Variants in RIPOR2 observed in about 807,000 individuals in gnomAD.
The protein encoded by RIPOR2 is rho family-interacting cell polarization regulator 2.
A neutral mutation model predicts 114.5 loss-of-function variants in RIPOR2; 39 were observed. The ratio of observed to expected loss-of-function variants is 0.34; its 90% CI spans 0.26 to 0.44. The LOEUF (loss-of-function observed/expected upper bound fraction) is 0.44, where lower values mean the gene tolerates loss of function less well. Among genes scored for constraint, RIPOR2 ranks in the 20% least tolerant of loss-of-function variants. The pLI is 1.00. For synonymous variants in RIPOR2, 445 were observed against 484.4 expected, an observed-to-expected ratio of 0.92 and a Z score of 1.07; for missense variants, 1,007 against 1,255.1, an observed-to-expected ratio of 0.80 and a Z score of 2.99.
chr6:24,944,536 C>T lies in RIPOR2; in HGVS notation c.77-68719G>A, dbSNP rs558389155. ...GAGTTTCCATATAATTTTAAACATCCCGTTTTCAGCAAAAAATTATGAAAC... is the reference window on the plus strand; with the variant it reads ...GAGTTTCCATATAATTTTAAACATCTCGTTTTCAGCAAAAAATTATGAAAC... On this transcript the variant is annotated intron_variant, in intron 1 of 13. Coordinates refer to the RIPOR2 transcript ENST00000510784. Among the ~76,000 whole-genome samples the T allele has an allele frequency of 2.0e-5, 3 of 152,186 alleles. No homozygotes were observed. The South Asian group carries it at 6.2e-4, about 32-fold the overall frequency.
intron 17 of RIPOR2, 101 bp from the exon 18 acceptor site, chr6:24,828,396 G>A: frequency 9.1e-7 from 1 of 1,101,512 alleles, no homozygotes. Flanking sequence ...TAGAGACAGG[G>A]TCTCACTTTG....
intron 1 of RIPOR2, among the ~76,000 whole-genome samples, chr6:25,000,534 G>A (rs1027080496): frequency 6.6e-6 from 1 of 152,162 alleles, no homozygotes; most frequent in East Asian, 1.9e-4. Flanking sequence ...TTAATCTACA[G>A]TTAATGCAGC....
At chr6:24,971,769 C>G (rs191049083) in intron 1 of RIPOR2, among the ~76,000 whole-genome samples, 202 of 152,330 alleles carry the variant, frequency 1.3e-3, no homozygotes, top group Non-Finnish European at 2.7e-3. Context: ...GAGCCTTGAG[C>G]ACTGAACTCC....
chr6:24,861,112 C>A, intron 7 of RIPOR2, 76 bp from the exon 8 acceptor site: 1 of 915,570 alleles, frequency 1.1e-6, no homozygotes, highest in Non-Finnish European at 1.8e-6. Flanking sequence ...GTTCGAACAG[C>A]AGCACAACCA....
At chr6:24,941,148 T>G (rs916824173) in intron 1 of RIPOR2, among the ~76,000 whole-genome samples, 2 of 152,112 alleles carry the variant, frequency 1.3e-5, no homozygotes, top group Non-Finnish European at 2.9e-5. Context: ...TTACTGAAGG[T>G]GCTGGGGAAG....
In RIPOR2 at chr6:24,849,886, T is replaced by A. The variant is rs902491119; in HGVS notation, c.950A>T (p.Glu317Val). The change falls in exon 11 of 22, where the codon GAG becomes GTG. Residue 317 changes from glutamate (E) to valine (V), a missense_variant. Glu to Val is a moderately radical substitution (Grantham distance 121). Transcript: ENST00000643898. ...TACCTGAGGTCGGGCTGCAAACAGCTCTTTGGTCTCACAGGTCACGCTACC... is the reference window on the plus strand; with the variant it reads ...TACCTGAGGTCGGGCTGCAAACAGCACTTTGGTCTCACAGGTCACGCTACC... ...LVGSVTCETK[E>V]LFAARPQVVA... 13 of 1,613,762 alleles carry A rather than the reference T, an allele frequency of 8.1e-6. No individual in the cohort carries two copies. The highest frequency in any genetic ancestry group is 8.5e-6 in the Non-Finnish European group (10 of 1,179,830).
intron 1 of RIPOR2, among the ~76,000 whole-genome samples, chr6:24,880,323 A>G (rs1766224338): frequency 1.3e-5 from 2 of 152,230 alleles, no homozygotes; most frequent in African/African-American, 2.4e-5. Context: ...ACATGGCCAC[A>G]TGGAAAGATC....
chr6:24,868,088 G>A (rs1439409211), intron 6 of RIPOR2, among the ~76,000 whole-genome samples: 2 of 152,162 alleles, frequency 1.3e-5, no homozygotes, highest in East Asian at 3.8e-4. Flanking sequence ...GCAGAAATAG[G>A]AGCAATTTCA....
rs993656441 is a variant in RIPOR2 at position 25,024,144 on chromosome 6, C to T, written c.76+17707G>A. 6.8e-6 allele frequency: 7 copies of T among 1,031,846 alleles called. No homozygotes were observed. In the African/African-American group the frequency reaches 9.5e-5, roughly 14 times the overall value. The allele number at this position is 1,031,846 out of a possible 1,614,324, so 63.9% of individuals were successfully genotyped here. A position where few individuals can be genotyped will look rare whatever the true frequency, so the allele number is the denominator to read the frequency against. On this transcript the variant is annotated intron_variant, in intron 1 of 13. Coordinates refer to the RIPOR2 transcript ENST00000510784. ...GATATTCCCCTTACCGGTGGCGCCG[C>T]GGGACACCCCCTCCTGCTGGGCGAT...
chr6:24,806,147 T>C lies in RIPOR2; in HGVS notation c.*226A>G. The C allele has an allele frequency of 1.9e-6, 1 of 529,704 alleles. No homozygotes were observed. Among genetic ancestry groups the C allele is most frequent in the East Asian group, 3.3e-5 (1 of 29,906 alleles). 32.8% of individuals were successfully genotyped at this position (529,704 alleles called of 1,614,324 possible). On this transcript the variant is annotated 3_prime_UTR_variant, in exon 22 of 22. Transcript: ENST00000643898. ...CTATTTTTTTTGTAGAGACAGGGCC[T>C]TGCTATGTTGCCCAGGTTGGTCTTG... is the stretch of plus-strand genomic sequence containing the variant.
chr6:24,878,715 C>T (rs1207763550), intron 1 of RIPOR2, among the ~76,000 whole-genome samples: 1 of 151,988 alleles, frequency 6.6e-6, no homozygotes, highest in Non-Finnish European at 1.5e-5. Context: ...TTCTGATGTT[C>T]ACCAATGTTT....
At chr6:25,031,540 T>G (rs1259551183) in intron 1 of RIPOR2, among the ~76,000 whole-genome samples, 1 of 148,980 alleles carries the variant, frequency 6.7e-6, no homozygotes, top group Non-Finnish European at 1.5e-5. Context: ...TTTTAAACTA[T>G]GAACAAAGAT....
At chr6:24,939,355 A>C (rs1771991530), upstream of RIPOR2, among the ~76,000 whole-genome samples, 1 of 152,224 alleles carries the variant, frequency 6.6e-6, no homozygotes, top group African/African-American at 2.4e-5. Context: ...TGGGCTCCTA[A>C]GAGTGGCAAA....
chr6:24,848,229 G>C (rs1333546094), intron 11 of RIPOR2, 75 bp from the exon 12 acceptor site: 1 of 1,459,050 alleles, frequency 6.9e-7, no homozygotes, highest in Non-Finnish European at 9.4e-7. Flanking sequence ...GGCTAAGAGA[G>C]TACCTCATTA....
intron 6 of RIPOR2, among the ~76,000 whole-genome samples, chr6:24,868,400 T>C (rs1764833881): frequency 6.6e-6 from 1 of 152,100 alleles, no homozygotes; most frequent in Admixed American, 6.6e-5. Flanking sequence ...CTGATAGATA[T>C]AGACAAACAG....
At chr6:24,888,906 C>T (rs775714440) in intron 1 of RIPOR2, among the ~76,000 whole-genome samples, 22 of 152,196 alleles carry the variant, frequency 1.4e-4, no homozygotes, top group African/African-American at 4.6e-4. Flanking sequence ...TCTATGATCA[C>T]GGCCTTTGTT....
At chr6:24,863,142 G>A (rs148811046) in intron 7 of RIPOR2, among the ~76,000 whole-genome samples, 231 of 152,012 alleles carry the variant, frequency 1.5e-3, no homozygotes, top group African/African-American at 5.3e-3. Flanking sequence ...TAGTAGAGAC[G>A]GGGTTTTGCT....
At chr6:24,957,705 C>T (rs1347776128) in intron 1 of RIPOR2, among the ~76,000 whole-genome samples, 1 of 151,852 alleles carries the variant, frequency 6.6e-6, no homozygotes, top group Non-Finnish European at 1.5e-5. Flanking sequence ...AACCCCGTCT[C>T]CACTGAAAAA....
chr6:25,006,612 C>T (rs1775572418), intron 1 of RIPOR2, among the ~76,000 whole-genome samples: 1 of 152,164 alleles, frequency 6.6e-6, no homozygotes, highest in South Asian at 2.1e-4. Flanking sequence ...CTGTGTCCTC[C>T]AGGCACAGGT....
Sources: gnomAD v4.1 joint callset for allele counts (sites outside exome capture counted in the v4.1 genomes callset) on GRCh38, gnomAD v4.1.1 for gene constraint, MANE v1.5 for transcripts, NCBI Gene and HGNC (gene_info 2026-07-23, HGNC 2026-07-21) for gene names.